The following SOX6 variants were observed in gnomAD, a reference collection of about 807,000 sequenced individuals.
The protein encoded by SOX6 is SRY-box transcription factor 6, also known as transcription factor SOX-6.
SOX6 carries 11 observed loss-of-function variants against 97.8 expected under a neutral mutation model. The ratio of observed to expected loss-of-function variants is 0.11; its 90% CI spans 0.07 to 0.19. The LOEUF is 0.19. SOX6 is among the 10% of genes least tolerant of loss of function. The pLI is 1.00. For missense variants in SOX6, 810 were observed against 1,039.5 expected, an observed-to-expected ratio of 0.78 and a Z score of 3.04; for synonymous variants, 360 against 371.4, an observed-to-expected ratio of 0.97 and a Z score of 0.35.
At chr11:16,221,890 T>C (rs1852548782) in intron 4 of SOX6, among the ~76,000 whole-genome samples, 1 of 152,126 alleles carries the variant, frequency 6.6e-6, no homozygotes, top group Non-Finnish European at 1.5e-5. Flanking sequence ...GTTAAACCAA[T>C]AGATTTTAAT....
chr11:16,169,925 T>TA lies in SOX6; in HGVS notation c.777+13960dup, dbSNP rs10603433. ...CTTGTAATTTTAATGTGTGTTTATG[T>TA]AAAAAAAAAAAAAGTGGTAGATTCA... On this transcript the variant is annotated intron_variant, in intron 6 of 15. Coordinates refer to ENST00000683767, the MANE Select transcript of SOX6 (RefSeq NM_001367873.1). Among the ~76,000 whole-genome samples, 628 of 148,988 alleles carry TA rather than the reference T, an allele frequency of 4.2e-3. 1 individual carries two copies. The highest frequency in any genetic ancestry group is 0.012 in the African/African-American group (489 of 40,962).
chr11:16,069,743 T>C (rs898510493), intron 9 of SOX6, among the ~76,000 whole-genome samples: 11 of 152,196 alleles, frequency 7.2e-5, no homozygotes, highest in Non-Finnish European at 1.3e-4. Flanking sequence ...CTTCTGCCAA[T>C]TGCCTTTTCA....
chr11:16,709,654 T>A (rs977062503), intron 3 of SOX6, among the ~76,000 whole-genome samples: 1 of 152,196 alleles, frequency 6.6e-6, no homozygotes, highest in Non-Finnish European at 1.5e-5. Flanking sequence ...ATGCTTTCTG[T>A]ACAACCTGCA....
chr11:16,604,980 C>T (rs1195240168), intron 4 of SOX6, among the ~76,000 whole-genome samples: 3 of 152,148 alleles, frequency 2.0e-5, no homozygotes, highest in Non-Finnish European at 4.4e-5. Context: ...CTCCCGGCAT[C>T]GGAGCACAAC....
At position 15,970,220 on chromosome 11, in the gene SOX6, G is replaced by T. The variant is rs1000483440; in HGVS notation, c.*2589C>A. On this transcript the variant is annotated 3_prime_UTR_variant, in exon 16 of 16. Transcript: ENST00000683767. ...TTATAACACTTACGAAACAACATCT[G>T]TGAGTGTGTGTGTTTTTTGTTTTTT... The T allele has an allele frequency of 1.3e-5, 2 of 152,518 alleles. No homozygotes were observed. Among genetic ancestry groups the T allele is most frequent in the Admixed American group, 1.3e-4 (2 of 15,280 alleles). The allele number at this position is 152,518 out of a possible 1,614,324, so 9.4% of individuals were successfully genotyped here. A position where few individuals can be genotyped will look rare whatever the true frequency, so the allele number is the denominator to read the frequency against.
intron 3 of SOX6, among the ~76,000 whole-genome samples, chr11:16,653,134 T>C (rs1453535351): frequency 6.6e-6 from 1 of 152,198 alleles, no homozygotes; most frequent in Non-Finnish European, 1.5e-5. Context: ...TTGGCATGGA[T>C]GCAGTGAAAA....
At chr11:16,477,018 A>T (rs922076704), upstream of SOX6, among the ~76,000 whole-genome samples, 2 of 152,198 alleles carry the variant, frequency 1.3e-5, no homozygotes, top group Non-Finnish European at 2.9e-5. Context: ...GAGTCATTTT[A>T]TGCCTCTACA....
intron 1 of SOX6, among the ~76,000 whole-genome samples, chr11:16,442,452 T>A (rs1402030690): frequency 6.6e-6 from 1 of 152,204 alleles, no homozygotes; most frequent in Non-Finnish European, 1.5e-5. Flanking sequence ...ACCAAAGTTA[T>A]GCCCAGCTAA....
At chr11:16,324,579 T>C (rs1856018520) in intron 2 of SOX6, among the ~76,000 whole-genome samples, 1 of 152,168 alleles carries the variant, frequency 6.6e-6, no homozygotes, top group Admixed American at 6.5e-5. Flanking sequence ...TTTTTTATTT[T>C]AAATTTTTGG....
At chr11:16,528,012 G>C (rs1374275865) in intron 4 of SOX6, among the ~76,000 whole-genome samples, 1 of 152,102 alleles carries the variant, frequency 6.6e-6, no homozygotes, top group East Asian at 1.9e-4. Context: ...GGTGGATGCA[G>C]GTCAGCTTCT....
chr11:16,647,203 C>T (rs528280631), intron 3 of SOX6, among the ~76,000 whole-genome samples: 2 of 152,188 alleles, frequency 1.3e-5, no homozygotes, highest in East Asian at 3.9e-4. Context: ...ACTCTGCTCC[C>T]TGTTCCTTTT....
intron 6 of SOX6, among the ~76,000 whole-genome samples, chr11:16,132,486 AAG>A (rs1354426604): frequency 6.7e-6 from 1 of 148,776 alleles, no homozygotes; most frequent in Admixed American, 6.7e-5. Flanking sequence ...GAAAGAAAGA[AAG>A]AAAGAAAGAA....
At chr11:16,167,593 C>T (rs996643959) in intron 6 of SOX6, among the ~76,000 whole-genome samples, 4 of 152,094 alleles carry the variant, frequency 2.6e-5, no homozygotes, top group Non-Finnish European at 2.9e-5. Flanking sequence ...CTAAAATTAC[C>T]CCTACCCTGG....
At chr11:16,273,819 A>T (rs1854323114) in intron 3 of SOX6, among the ~76,000 whole-genome samples, 1 of 152,050 alleles carries the variant, frequency 6.6e-6, no homozygotes, top group African/African-American at 2.4e-5. Flanking sequence ...TTAACAATGA[A>T]ATTCTGCCAA....
chr11:16,514,815 C>T (rs1361897369), intron 4 of SOX6, among the ~76,000 whole-genome samples: 2 of 150,844 alleles, frequency 1.3e-5, no homozygotes, highest in Non-Finnish European at 1.5e-5. Flanking sequence ...TTTGTGCTTG[C>T]GATAGTTTAC....
intron 6 of SOX6, among the ~76,000 whole-genome samples, chr11:16,138,579 T>A (rs1173381044): frequency 1.3e-5 from 2 of 152,116 alleles, no homozygotes; most frequent in Non-Finnish European, 2.9e-5. Flanking sequence ...CTTTAAGTTT[T>A]AGGGTACATG....
chr11:16,476,668 A>G (rs1860256173), upstream of SOX6, among the ~76,000 whole-genome samples: 1 of 152,208 alleles, frequency 6.6e-6, no homozygotes, highest in Non-Finnish European at 1.5e-5. Flanking sequence ...AACAAAAGGG[A>G]AAAAATTTTT....
intron 4 of SOX6, among the ~76,000 whole-genome samples, chr11:16,207,266 T>C (rs1852096836): frequency 6.6e-6 from 1 of 152,162 alleles, no homozygotes; most frequent in Admixed American, 6.5e-5. Flanking sequence ...TATTATTTAT[T>C]GATAGCTAGG....
At chr11:16,700,239 A>T (rs1848082882) in intron 3 of SOX6, among the ~76,000 whole-genome samples, 2 of 152,176 alleles carry the variant, frequency 1.3e-5, no homozygotes, top group Non-Finnish European at 2.9e-5. Context: ...GAGGAAAAAG[A>T]AGAAGTATCC....
Sources: gnomAD v4.1 joint callset for allele counts (sites outside exome capture counted in the v4.1 genomes callset) on GRCh38, gnomAD v4.1.1 for gene constraint, MANE v1.5 for transcripts, NCBI Gene and HGNC (gene_info 2026-07-23, HGNC 2026-07-21) for gene names.